Variants in MICALL1 observed in about 807,000 individuals in gnomAD.
MICALL1 encodes the protein MICAL-like protein 1.
MICALL1 carries 61 observed loss-of-function variants against 83.7 expected under a neutral mutation model. The observed-to-expected ratio is 0.73, with a 90% CI of 0.59 to 0.90. MICALL1 has a LOEUF of 0.90. Among genes scored for constraint, MICALL1 ranks in the 40% least tolerant of loss-of-function variants. MICALL1 has a pLI of 0.00. For missense variants in MICALL1, 1,066 were observed against 1,152.0 expected, an observed-to-expected ratio of 0.93 and a Z score of 1.08; for synonymous variants, 481 against 473.6, an observed-to-expected ratio of 1.02 and a Z score of -0.20.
chr22:37,922,266 C>T lies in MICALL1; in HGVS notation c.864C>T (p.Gly288=). Residue 288 remains glycine, a synonymous_variant, in exon 6 of 16, where the codon GGC becomes GGT. Coordinates refer to ENST00000215957, the MANE Select transcript of MICALL1 (RefSeq NM_033386.4). Reference sequence around the variant, plus strand: ...TCCCTACCAAGCCCCGGGTTCCTGGCAAACTACAGGAGCTGGCCAGCCCCC... The same window carrying T: ...TCCCTACCAAGCCCCGGGTTCCTGGTAAACTACAGGAGCTGGCCAGCCCCC... ...PQIPTKPRVP[G]KLQELASPPA... is the part of the protein sequence containing the mutation. 6.3e-7 allele frequency: 1 copy of T among 1,584,724 alleles called. No individual in the cohort carries two copies. Among genetic ancestry groups the T allele is most frequent in the Non-Finnish European group, 8.6e-7 (1 of 1,166,056 alleles).
intron 3 of MICALL1, among the ~76,000 whole-genome samples, 178 bp downstream of exon 3, chr22:37,912,670 G>A (rs1475390535): frequency 5.3e-5 from 8 of 150,902 alleles, no homozygotes; most frequent in Non-Finnish European, 1.2e-4. Context: ...ACAGAGTTTC[G>A]CTCTTTTTTT....
chr22:37,937,480 A>G (rs1432799095), intron 14 of MICALL1, among the ~76,000 whole-genome samples: 1 of 145,240 alleles, frequency 6.9e-6, no homozygotes, highest in African/African-American at 2.5e-5. Context: ...CTGGAGTGCA[A>G]TGGCATAACC....
At position 37,930,089 on chromosome 22, in the gene MICALL1, G is replaced by A. The variant is rs1929707395; in HGVS notation, c.1882-1710G>A. ...TTGGTGGTGGAGGGCACGGGGGTGG[G>A]TCACCTTCGGATTCTCGTGTTTCGT... is the stretch of plus-strand genomic sequence containing the variant. On this transcript the variant is annotated intron_variant, in intron 9 of 15. Transcript: ENST00000215957. This position sits in a 1 kb window ranked among gnomAD's most constrained non-coding sequence, Gnocchi z 4.8. Among the ~76,000 whole-genome samples the A allele has an allele frequency of 1.3e-5, 2 of 152,342 alleles. No homozygotes were observed. The highest frequency in any genetic ancestry group is 1.5e-5 in the Non-Finnish European group (1 of 68,022).
intron 8 of MICALL1, chr22:37,926,796 C>G (rs1353173562): frequency 1.3e-5 from 2 of 153,146 alleles, no homozygotes; most frequent in African/African-American, 4.8e-5. Context: ...CCCTGGGACC[C>G]CAGCTGAGGC....
chr22:37,925,739 C>T lies in MICALL1; in HGVS notation c.1161C>T (p.Pro387=), dbSNP rs568874587. 6 of 1,612,466 alleles carry T rather than the reference C, an allele frequency of 3.7e-6. No homozygotes were observed. The South Asian group carries it at 6.6e-5, about 18-fold the overall frequency. The change falls in exon 8 of 16, where the codon CCC becomes CCT. Residue 387 remains proline (P), a synonymous_variant. Transcript: ENST00000215957. The stretch of plus-strand genomic sequence containing the variant: ...CAAAGAAGAAGCCAGCCCCACTTCC[C>T]CCAAGCAGCAGCCCGGGGCCACCAA... ...AEPKKKPAPL[P]PSSSPGPPSQ... is the part of the protein sequence containing the mutation.
At position 37,914,850 on chromosome 22, in the gene MICALL1, C is replaced by T. The variant is rs148847359; in HGVS notation, c.337+2358C>T. On this transcript the variant is annotated intron_variant, in intron 3 of 15. Coordinates refer to ENST00000215957, the MANE Select transcript of MICALL1 (RefSeq NM_033386.4). Reference sequence around the variant, plus strand: ...AGAGGTGGAGTATCACCATGTTACCCAGGTTGGTCTTGAACTCCTAAGCTC... The same window carrying T: ...AGAGGTGGAGTATCACCATGTTACCTAGGTTGGTCTTGAACTCCTAAGCTC... Among the ~76,000 whole-genome samples, 630 of 151,470 alleles carry T rather than the reference C, an allele frequency of 4.2e-3. 5 individuals are homozygous for T. The highest frequency in any genetic ancestry group is 0.015 in the African/African-American group (607 of 41,442).
In MICALL1 at chr22:37,924,693, G is replaced by C; in HGVS notation, c.1058G>C (p.Arg353Thr). The C allele has an allele frequency of 3.1e-6, 5 of 1,612,274 alleles. No homozygotes were observed. The highest frequency in any genetic ancestry group is 4.2e-6 in the Non-Finnish European group (5 of 1,179,068). Residue 353 changes from arginine (R) to threonine (T), a missense_variant, in exon 7 of 16, where the codon AGG becomes ACG. By Grantham distance (71) the Arg-to-Thr change is moderately conservative. Transcript: ENST00000215957. The surrounding 1 kb of genome is among the most constrained non-coding windows in gnomAD (Gnocchi z 5.2). ...RLHELPVPKP[R>T]GTPKPSEGTP... is the part of the protein sequence containing the mutation. ...CACGAACTGCCTGTCCCCAAGCCGA[G>C]GGGGACACCGAAGCCGTCCGAGGGG...
In MICALL1 at chr22:37,906,355, C is replaced by G. The variant is rs951683595; in HGVS notation, c.-68C>G. On this transcript the variant is annotated 5_prime_UTR_variant, in exon 1 of 16. Transcript: ENST00000215957. The surrounding 1 kb of genome is among the most constrained non-coding windows in gnomAD (Gnocchi z 4.4). The stretch of plus-strand genomic sequence containing the variant: ...GCCGCAGCCGGAAACCGGGCCCGCG[C>G]GGCGGCCGCCGTCCCGGCCAAGCCG... 1.1e-5 allele frequency: 11 copies of G among 995,556 alleles called. No homozygotes were observed. In the African/African-American group the frequency reaches 1.9e-4, roughly 17 times the overall value. 61.7% of individuals were successfully genotyped at this position (995,556 alleles called of 1,614,324 possible). A position where few individuals can be genotyped will look rare whatever the true frequency, so the allele number is the denominator to read the frequency against.
At position 37,906,357 on chromosome 22, in the gene MICALL1, G is replaced by A. The variant is rs1927936163; in HGVS notation, c.-66G>A. Reference sequence around the variant, plus strand: ...CGCAGCCGGAAACCGGGCCCGCGCGGCGGCCGCCGTCCCGGCCAAGCCGGG... The same window carrying A: ...CGCAGCCGGAAACCGGGCCCGCGCGACGGCCGCCGTCCCGGCCAAGCCGGG... On this transcript the variant is annotated 5_prime_UTR_variant, in exon 1 of 16. Transcript: ENST00000215957. This position sits in a 1 kb window ranked among gnomAD's most constrained non-coding sequence, Gnocchi z 4.4. 4 of 1,002,164 alleles carry A rather than the reference G, an allele frequency of 4.0e-6. No homozygotes were observed. Among genetic ancestry groups the A allele is most frequent in the Non-Finnish European group, 3.6e-6 (3 of 839,578 alleles). The allele number at this position is 1,002,164 out of a possible 1,614,324, so 62.1% of individuals were successfully genotyped here.
chr22:37,917,802 A>G lies in MICALL1; in HGVS notation c.426+7A>G. 2 of 1,612,800 alleles carry G rather than the reference A, an allele frequency of 1.2e-6. No homozygotes were observed. Among genetic ancestry groups the G allele is most frequent in the East Asian group, 4.5e-5 (2 of 44,852 alleles). On this transcript the variant is annotated splice_region_variant and intron_variant, in intron 4 of 15. Transcript: ENST00000215957. The stretch of plus-strand genomic sequence containing the variant: ...ACCAGAAGATGTGGCTCAGGTAGGC[A>G]GATACCTGGAGAGGTGGGAGGGCCA...
rs549221739 is a variant in MICALL1 at position 37,924,891 on chromosome 22, C to T, written c.1082+174C>T. Among the ~76,000 whole-genome samples the T allele has an allele frequency of 6.6e-5, 10 of 152,236 alleles. No homozygotes were observed. The highest frequency in any genetic ancestry group is 5.2e-4 in the Admixed American group (8 of 15,302). ...CCTGAGGCTCACCCCGGGATTCCTG[C>T]GGCCAGTGCCTGGCCCCCTCCCCAG... On this transcript the variant is annotated intron_variant, in intron 7 of 15. Transcript: ENST00000215957. The surrounding 1 kb of genome is among the most constrained non-coding windows in gnomAD (Gnocchi z 5.2).
In MICALL1 at chr22:37,906,521, C is replaced by T. The variant is rs1394191377; in HGVS notation, c.99C>T (p.Asp33=). The T allele has an allele frequency of 4.0e-6, 5 of 1,240,604 alleles. No homozygotes were observed. Among genetic ancestry groups the T allele is most frequent in the Non-Finnish European group, 5.1e-6 (5 of 980,656 alleles). The allele number at this position is 1,240,604 out of a possible 1,614,324, so 76.8% of individuals were successfully genotyped here. Residue 33 remains aspartate, a synonymous_variant, in exon 1 of 16, where the codon GAC becomes GAT. Transcript: ENST00000215957. This position sits in a 1 kb window ranked among gnomAD's most constrained non-coding sequence, Gnocchi z 4.4. ...EIRDLSSSFR[D]GLAFCAILHR... ...GCGACCTGAGCAGCTCCTTCCGGGA[C>T]GGCCTGGCCTTCTGCGCCATCCTGC...
intron 5 of MICALL1, among the ~76,000 whole-genome samples, chr22:37,921,425 T>C (rs1328427803): frequency 6.6e-6 from 1 of 151,810 alleles, no homozygotes; most frequent in African/African-American, 2.4e-5. Context: ...AAAAAAAAAT[T>C]AGCCAGGTGT....
intron 1 of MICALL1, among the ~76,000 whole-genome samples, chr22:37,910,946 C>G (rs1297293046): frequency 6.6e-6 from 1 of 152,246 alleles, no homozygotes; most frequent in East Asian, 1.9e-4. Context: ...CCTGCTCTTG[C>G]CTCTGCCCAC....
At position 37,942,217 on chromosome 22, in the gene MICALL1, G is replaced by T. The variant is rs547937804; in HGVS notation, c.*1387G>T. The T allele has an allele frequency of 6.6e-6, 1 of 152,400 alleles. No homozygotes were observed. The highest frequency in any genetic ancestry group is 1.9e-4 in the East Asian group (1 of 5,184). The allele number at this position is 152,400 out of a possible 1,614,324, so 9.4% of individuals were successfully genotyped here. On this transcript the variant is annotated 3_prime_UTR_variant, in exon 16 of 16. Coordinates refer to ENST00000215957, the MANE Select transcript of MICALL1 (RefSeq NM_033386.4). ...TCCTCGGCCATGCAGCCCCTGGCAG[G>T]CTCCTTCTAAACATGCCTGTTGACC...
rs574368266 is a variant in MICALL1, at chr22:37,921,845, G to A, written c.570-127G>A. 86 of 796,800 alleles carry A rather than the reference G, an allele frequency of 1.1e-4. No individual in the cohort carries two copies. In the African/African-American group the frequency reaches 1.4e-3, roughly 13 times the overall value. The allele number at this position is 796,800 out of a possible 1,614,324, so 49.4% of individuals were successfully genotyped here. On this transcript the variant is annotated intron_variant, in intron 5 of 15. Transcript: ENST00000215957. Reference sequence around the variant, plus strand: ...TTATCCTCTGGGAAGTCTAGGGTATGGAGTCGAGCTTGGCTGGCAGTTGGG... The same window carrying A: ...TTATCCTCTGGGAAGTCTAGGGTATAGAGTCGAGCTTGGCTGGCAGTTGGG...
At chr22:37,934,526 A>G (rs1045973802) in intron 13 of MICALL1, among the ~76,000 whole-genome samples, 2 of 151,102 alleles carry the variant, frequency 1.3e-5, no homozygotes, top group Non-Finnish European at 3.0e-5. Context: ...CCATAGGGGA[A>G]AGGGGCAGTG....
intron 13 of MICALL1, among the ~76,000 whole-genome samples, chr22:37,935,779 G>C (rs1930087374): frequency 6.9e-6 from 1 of 144,150 alleles, no homozygotes; most frequent in Non-Finnish European, 1.5e-5. Flanking sequence ...GCCCAGGCTG[G>C]AGTGCAGTGG....
rs1004441819 is a variant in MICALL1 at position 37,936,995 on chromosome 22, C to T, written c.2309-85C>T. 55 of 1,143,168 alleles carry T rather than the reference C, an allele frequency of 4.8e-5. No homozygotes were observed. The Middle Eastern group carries it at 1.0e-3, about 21-fold the overall frequency. 70.8% of individuals were successfully genotyped at this position (1,143,168 alleles called of 1,614,324 possible). ...GGTATTTAGCATGGGGCTGGCCTGC[C>T]GCACTTAGGCAGTGGCTCCTGGTGG... is the stretch of plus-strand genomic sequence containing the variant. On this transcript the variant is annotated intron_variant, in intron 13 of 15. Transcript: ENST00000215957.
Sources: allele counts gnomAD v4.1 joint callset (sites outside exome capture counted in the v4.1 genomes callset), GRCh38; gene constraint gnomAD v4.1.1; non-coding constraint Gnocchi (gnomAD v3.1); transcripts MANE v1.5; gene names NCBI Gene and HGNC (gene_info 2026-07-23, HGNC 2026-07-21).